The following DNAJA4 variants were observed in gnomAD, a reference collection of about 807,000 sequenced individuals.
The protein encoded by DNAJA4 is DnaJ heat shock protein family (Hsp40) member A4.
Under a neutral mutation model 39.7 loss-of-function variants are expected in DNAJA4, and 32 were observed. The observed-to-expected ratio is 0.81, with a 90% CI of 0.61 to 1.08. The LOEUF (loss-of-function observed/expected upper bound fraction) is 1.08, where lower values mean the gene tolerates loss of function less well. DNAJA4 is among the 50% of genes least tolerant of loss of function. DNAJA4 has a pLI of 0.00. For missense variants in DNAJA4, 439 were observed against 505.1 expected (o/e 0.87, Z 1.25); for synonymous variants, 184 against 182.4 (o/e 1.01, Z -0.07).
Position 78,272,798 on chromosome 15 carries a change from T to A in DNAJA4, c.314-297T>A, listed in dbSNP as rs570088548. Among the ~76,000 whole-genome samples, 10 of 152,390 alleles carry A rather than the reference T, an allele frequency of 6.6e-5. No homozygotes were observed. The East Asian group carries it at 1.9e-3, about 29-fold the overall frequency. On this transcript the variant is annotated intron_variant, in intron 2 of 6. Coordinates refer to ENST00000394852, the MANE Select transcript of DNAJA4 (RefSeq NM_001130182.2). ...GCCTTTGGTTTCTCAATTAGTACTC[T>A]CCTTGTCCTCAGATTTGTTCTCAGA...
At position 78,279,278 on chromosome 15, in the gene DNAJA4, TTC is replaced by T. The variant is rs60212782; in HGVS notation, c.878-765_878-764del. On this transcript the variant is annotated intron_variant, in intron 5 of 6. Transcript: ENST00000394852. The surrounding 1 kb of genome is among the most constrained non-coding windows in gnomAD (Gnocchi z 4.5). The stretch of plus-strand genomic sequence containing the variant: ...TCCCCCATTTTTTCCGAACATTTCT[TTC>T]TGTCTTTGTCCATTTTCATCGCTGA... 46,439 of 152,108 alleles carry T rather than the reference TTC, an allele frequency of 0.31. 7,158 individuals carry two copies. The highest frequency in any genetic ancestry group is 0.32 in the Non-Finnish European group (21,801 of 68,038). 9.4% of individuals were successfully genotyped at this position (152,108 alleles called of 1,614,324 possible).
At chr15:78,265,498 A>G (rs773464570) in intron 1 of DNAJA4, 8 of 702,278 alleles carry the variant, frequency 1.1e-5, no homozygotes, top group Admixed American at 4.0e-5. Context: ...GACATCTGCA[A>G]CCTGACATCA....
At chr15:78,265,688 T>G (rs1158137750) in intron 1 of DNAJA4, 1 of 701,086 alleles carries the variant, frequency 1.4e-6, no homozygotes, top group Non-Finnish European at 2.6e-6. Context: ...ATAGGTGAAT[T>G]GAAGGATGAG....
At chr15:78,265,779 C>A in intron 1 of DNAJA4, 1 of 658,326 alleles carries the variant, frequency 1.5e-6, no homozygotes. Context: ...GGTTGTTCCG[C>A]ATGGGTCTTG....
intron 3 of DNAJA4, among the ~76,000 whole-genome samples, chr15:78,273,806 T>A (rs1329777395): frequency 2.0e-5 from 3 of 152,228 alleles, no homozygotes; most frequent in Non-Finnish European, 4.4e-5. Context: ...CCTCACATTG[T>A]CCCACAGAGA....
At chr15:78,267,849 G>A (rs773594974) in intron 1 of DNAJA4, among the ~76,000 whole-genome samples, 1 of 151,996 alleles carries the variant, frequency 6.6e-6, no homozygotes, top group Non-Finnish European at 1.5e-5. Context: ...AAGTTGTTAC[G>A]TAGTCTTCAA....
At chr15:78,266,434 G>A in intron 1 of DNAJA4, 1 of 717,812 alleles carries the variant, frequency 1.4e-6, no homozygotes, top group African/African-American at 1.8e-5. Flanking sequence ...AGGTTGTTTG[G>A]TTTGTTTTAA....
rs1156497882 is a variant in DNAJA4, at chr15:78,264,593, CGGCGCGG to C, written c.-166_-160del. Reference sequence around the variant, plus strand: ...GTGGAGCCAGGCGTGGAAGTCGGTCCGGCGCGGGGCGGGGGGCGGGCGGGAGCTACAA... The same window carrying C: ...GTGGAGCCAGGCGTGGAAGTCGGTCCGGCGGGGGGCGGGCGGGAGCTACAA... On this transcript the variant is annotated 5_prime_UTR_variant, in exon 1 of 7. Coordinates refer to ENST00000394852, the MANE Select transcript of DNAJA4 (RefSeq NM_001130182.2). 7 of 1,152,526 alleles carry C rather than the reference CGGCGCGG, an allele frequency of 6.1e-6. No homozygotes were observed. The highest frequency in any genetic ancestry group is 7.5e-6 in the Non-Finnish European group (7 of 938,222). 71.4% of individuals were successfully genotyped at this position (1,152,526 alleles called of 1,614,324 possible).
chr15:78,267,165 AGT>A (rs1313123532), intron 1 of DNAJA4, among the ~76,000 whole-genome samples: 2 of 108,670 alleles, frequency 1.8e-5, no homozygotes, highest in African/African-American at 3.9e-5. Flanking sequence ...TGTGTATGTG[AGT>A]GTGTGAGTGT....
rs1268375389 is a variant in DNAJA4, at chr15:78,279,153, C to T, written c.878-892C>T. ...GCTTACTTTATTTTTAAAACCTCCTCTTTAAAGATTTCCTCTTGAAGAGAC... is the reference window on the plus strand; with the variant it reads ...GCTTACTTTATTTTTAAAACCTCCTTTTTAAAGATTTCCTCTTGAAGAGAC... On this transcript the variant is annotated intron_variant, in intron 5 of 6. Transcript: ENST00000394852. The surrounding 1 kb of genome is among the most constrained non-coding windows in gnomAD (Gnocchi z 4.5). 6.6e-6 allele frequency: 1 copy of T among 152,182 alleles called. No individual in the cohort carries two copies. Among genetic ancestry groups the T allele is most frequent in the Non-Finnish European group, 1.5e-5 (1 of 68,046 alleles). 9.4% of individuals were successfully genotyped at this position (152,182 alleles called of 1,614,324 possible).
intron 1 of DNAJA4, among the ~76,000 whole-genome samples, chr15:78,266,638 G>A (rs909152473): frequency 6.6e-6 from 1 of 152,204 alleles, no homozygotes; most frequent in Non-Finnish European, 1.5e-5. Flanking sequence ...CTTCCAGGAG[G>A]CTGCCTCTGC....
At chr15:78,273,608 T>C (rs960012058) in intron 3 of DNAJA4, among the ~76,000 whole-genome samples, 3 of 152,200 alleles carry the variant, frequency 2.0e-5, no homozygotes, top group Admixed American at 6.5e-5. Context: ...ATGGAGTCTT[T>C]TGTAGCTAGT....
At chr15:78,268,145 G>C (rs2049194532) in intron 1 of DNAJA4, among the ~76,000 whole-genome samples, 1 of 152,208 alleles carries the variant, frequency 6.6e-6, no homozygotes, top group Non-Finnish European at 1.5e-5. Context: ...TGACATGTGA[G>C]TATCCAGGGT....
At chr15:78,266,930 G>A (rs1475567676) in intron 1 of DNAJA4, among the ~76,000 whole-genome samples, 1 of 152,194 alleles carries the variant, frequency 6.6e-6, no homozygotes, top group Admixed American at 6.5e-5. Context: ...AAGGGAAATT[G>A]CAGTGAAAGG....
intron 1 of DNAJA4, among the ~76,000 whole-genome samples, 154 bp downstream of exon 1, chr15:78,265,049 C>T (rs1443546828): frequency 6.6e-6 from 1 of 152,088 alleles, no homozygotes; most frequent in Non-Finnish European, 1.5e-5. Context: ...GGCGGGAGAC[C>T]CTGGGCGCCG....
At position 78,280,026 on chromosome 15, in the gene DNAJA4, T is replaced by C. The variant is rs1183810646; in HGVS notation, c.878-19T>C. 7 of 1,612,568 alleles carry C rather than the reference T, an allele frequency of 4.3e-6. No homozygotes were observed. The African/African-American group carries it at 5.4e-5, about 12-fold the overall frequency. Reference sequence around the variant, plus strand: ...GCCCCTCTGCCTTCCTCCTTCCTAATTGACCCTTTCTCTGGCAGGTGAGGT... The same window carrying C: ...GCCCCTCTGCCTTCCTCCTTCCTAACTGACCCTTTCTCTGGCAGGTGAGGT... On this transcript the variant is annotated intron_variant, in intron 5 of 6. Coordinates refer to ENST00000394852, the MANE Select transcript of DNAJA4 (RefSeq NM_001130182.2).
At position 78,281,390 on chromosome 15, in the gene DNAJA4, A is replaced by G. The variant is rs1284908063; in HGVS notation, c.*930A>G. ...GGGTGACTTGAGGGTCTGCAAAGGC[A>G]TAGAACTCCCCAGTGTTTTCCACCT... On this transcript the variant is annotated 3_prime_UTR_variant, in exon 7 of 7. Transcript: ENST00000394852. The G allele has an allele frequency of 6.6e-6, 1 of 152,396 alleles. No individual in the cohort carries two copies. The highest frequency in any genetic ancestry group is 2.4e-5 in the African/African-American group (1 of 41,456). The allele number at this position is 152,396 out of a possible 1,614,324, so 9.4% of individuals were successfully genotyped here.
At chr15:78,266,360 A>T (rs2049123371) in intron 1 of DNAJA4, 4 of 1,447,826 alleles carry the variant, frequency 2.8e-6, no homozygotes, top group Non-Finnish European at 3.9e-6. Flanking sequence ...TTTTATTTTT[A>T]AAAAATTAGA....
At chr15:78,278,791 A>T (rs1253223626) in intron 5 of DNAJA4, among the ~76,000 whole-genome samples, 3 of 148,080 alleles carry the variant, frequency 2.0e-5, no homozygotes, top group Admixed American at 2.0e-4. Flanking sequence ...AGCTGGGATT[A>T]CAGGCACACA....
Sources: allele counts gnomAD v4.1 joint callset (sites outside exome capture counted in the v4.1 genomes callset), GRCh38; gene constraint gnomAD v4.1.1; non-coding constraint Gnocchi (gnomAD v3.1); transcripts MANE v1.5; gene names NCBI Gene and HGNC (gene_info 2026-07-23, HGNC 2026-07-21).